PANX3: variants seen among roughly 807,000 people sequenced by gnomAD.
PANX3 encodes the protein pannexin 3.
PANX3 carries 18 observed loss-of-function variants against 31.5 expected under a neutral mutation model. The ratio of observed to expected loss-of-function variants is 0.57; its 90% CI spans 0.39 to 0.85. The LOEUF is 0.85. Among genes scored for constraint, PANX3 ranks in the 40% least tolerant of loss-of-function variants. The pLI, the probability that PANX3 is intolerant of heterozygous loss-of-function variation, is 0.00. For synonymous variants in PANX3, 194 were observed against 201.6 expected (o/e 0.96, Z 0.32); for missense variants, 426 against 485.4 (o/e 0.88, Z 1.15).
Position 124,619,430 on chromosome 11 carries a change from T to C in PANX3, c.674T>C (p.Leu225Pro). 6.2e-7 allele frequency: 1 copy of C among 1,614,206 alleles called. No individual in the cohort carries two copies. Among genetic ancestry groups the C allele is most frequent in the Non-Finnish European group, 8.5e-7 (1 of 1,180,040 alleles). ...LLLIFTSATY[L>P]YLGHFHLDVF... The stretch of plus-strand genomic sequence containing the variant: ...CTCATCTTCACCTCCGCCACTTACC[T>C]ATACCTTGGTCATTTCCATCTGGAT... The change falls in exon 4 of 4, where the codon CTA becomes CCA. Residue 225 changes from leucine to proline, a missense_variant. By Grantham distance (98) the Leu-to-Pro change is moderately conservative. Transcript: ENST00000284288.
chr11:124,617,226 G>T, intron 2 of PANX3, 48 bp from the exon 3 acceptor site: 1 of 1,437,296 alleles, frequency 7.0e-7, no homozygotes, highest in Non-Finnish European at 9.6e-7. Context: ...CTGTCACTCG[G>T]GGTCTCAGCA....
intron 2 of PANX3, 101 bp from the exon 3 acceptor site, chr11:124,617,173 T>C: frequency 1.0e-6 from 1 of 1,002,582 alleles, no homozygotes; most frequent in Non-Finnish European, 1.5e-6. Context: ...AGCCTTCCCC[T>C]GCTGAGGCAG....
rs1184510365 is a variant in PANX3, at chr11:124,617,407, GC to G, written c.459del (p.Ser154ProfsTer9). On this transcript the variant is annotated frameshift_variant, in exon 3 of 4. Coordinates refer to ENST00000284288, the MANE Select transcript of PANX3 (RefSeq NM_052959.3). LOFTEE classifies it high-confidence loss of function. ...AGCGAACTGGACAAATCTTATAATC[GC>G]TCCATCCGCCTCGTGCAGCACATGC... The part of the protein sequence containing the change: ...IISELDKSYN[R>X]SIRLVQHMLK... 1.9e-6 allele frequency: 3 copies of G among 1,613,972 alleles called. No homozygotes were observed. In the African/African-American group the frequency reaches 4.0e-5, roughly 22 times the overall value.
chr11:124,618,524 G>C (rs1042657747), intron 3 of PANX3, among the ~76,000 whole-genome samples: 4 of 152,180 alleles, frequency 2.6e-5, no homozygotes, highest in African/African-American at 4.8e-5. Flanking sequence ...TGGCTTACAT[G>C]TACCTGAACA....
intron 2 of PANX3, among the ~76,000 whole-genome samples, chr11:124,615,517 C>T (rs1437401492): frequency 6.6e-6 from 1 of 152,184 alleles, no homozygotes; most frequent in African/African-American, 2.4e-5. Context: ...GAATAAGCTC[C>T]AGAATCAGAC....
intron 1 of PANX3, 53 bp from the exon 2 acceptor site, chr11:124,612,926 TC>T: frequency 6.3e-7 from 1 of 1,597,328 alleles, no homozygotes. Context: ...TGCCCCTGAG[TC>T]CCCACTCCTC....
Position 124,611,428 on chromosome 11 carries a change from A to C in PANX3, c.-129A>C. On this transcript the variant is annotated 5_prime_UTR_variant, in exon 1 of 4. Transcript: ENST00000284288. ...TAGAGAACCATCGCCTGCTCCCAGC[A>C]GAGATATCCATAAGGCTGGGGTGGC... 37 of 780,810 alleles carry C rather than the reference A, an allele frequency of 4.7e-5. No individual in the cohort carries two copies. The highest frequency in any genetic ancestry group is 5.8e-5 in the Non-Finnish European group (29 of 503,680). 48.4% of individuals were successfully genotyped at this position (780,810 alleles called of 1,614,324 possible).
In PANX3 at chr11:124,619,575, C is replaced by A. The variant is rs760439001; in HGVS notation, c.819C>A (p.Ser273Arg). ...CACTGTCCATTTTCCAGATTGTTAG[C>A]CTCTCCAGTGTAGCAATATACACCA... ...LTSLSIFQIV[S>R]LSSVAIYTIL... Residue 273 changes from serine (S) to arginine (R), a missense_variant, in exon 4 of 4, where the codon AGC (serine) becomes AGA (arginine). Coordinates refer to ENST00000284288, the MANE Select transcript of PANX3 (RefSeq NM_052959.3). The A allele has an allele frequency of 2.5e-6, 4 of 1,614,126 alleles. No individual in the cohort carries two copies. Among genetic ancestry groups the A allele is most frequent in the Non-Finnish European group, 2.5e-6 (3 of 1,180,034 alleles).
Position 124,619,955 on chromosome 11 carries a change from G to A in PANX3, c.*20G>A, listed in dbSNP as rs1465727130. 5 of 1,566,698 alleles carry A rather than the reference G, an allele frequency of 3.2e-6. No individual in the cohort carries two copies. The highest frequency in any genetic ancestry group is 4.3e-6 in the Non-Finnish European group (5 of 1,159,738). On this transcript the variant is annotated 3_prime_UTR_variant, in exon 4 of 4. Transcript: ENST00000284288. ...CCATAGTTAAGAAACCATGGAGCAA[G>A]AAAGCTTGTGGAAAGTCTCTCTCCT...
chr11:124,619,767 C>T lies in PANX3; in HGVS notation c.1011C>T (p.Ile337=), dbSNP rs1489949352. 4 of 1,614,176 alleles carry T rather than the reference C, an allele frequency of 2.5e-6. No homozygotes were observed. The South Asian group carries it at 3.3e-5, about 13-fold the overall frequency. Residue 337 remains isoleucine, a synonymous_variant, in exon 4 of 4, where the codon ATC becomes ATT. Coordinates refer to ENST00000284288, the MANE Select transcript of PANX3 (RefSeq NM_052959.3). ...NVILLFLRAN[I]SELISFSWLS... The stretch of plus-strand genomic sequence containing the variant: ...TCCTTCTTTTCCTCCGAGCTAACAT[C>T]TCTGAGCTCATCTCTTTTAGCTGGC...
chr11:124,620,228 G>A lies in PANX3; in HGVS notation c.*293G>A, dbSNP rs893618563. The A allele has an allele frequency of 4.7e-5, 13 of 276,918 alleles. No individual in the cohort carries two copies. Among genetic ancestry groups the A allele is most frequent in the Admixed American group, 2.5e-4 (5 of 20,266 alleles). 17.2% of individuals were successfully genotyped at this position (276,918 alleles called of 1,614,324 possible). ...GAAATACAGTCTAGACATGCTGCAA[G>A]GAAAGAAGATTCTAAAGTCCGTTTA... On this transcript the variant is annotated 3_prime_UTR_variant, in exon 4 of 4. Coordinates refer to ENST00000284288, the MANE Select transcript of PANX3 (RefSeq NM_052959.3).
In PANX3 at chr11:124,611,463, C is replaced by A. The variant is rs1863088322; in HGVS notation, c.-94C>A. 3.2e-6 allele frequency: 4 copies of A among 1,237,082 alleles called. No homozygotes were observed. The highest frequency in any genetic ancestry group is 2.2e-6 in the Non-Finnish European group (2 of 897,152). The allele number at this position is 1,237,082 out of a possible 1,614,324, so 76.6% of individuals were successfully genotyped here. ...ATAAGGCTGGGGTGGCAGGCACTGT[C>A]TGCCCAAAGTCAGCTGCCTGAAGCT... On this transcript the variant is annotated 5_prime_UTR_variant, in exon 1 of 4. It adds an upstream start codon to the 5' untranslated region. Coordinates refer to ENST00000284288, the MANE Select transcript of PANX3 (RefSeq NM_052959.3).
chr11:124,614,587 C>G (rs1863131303), intron 2 of PANX3, among the ~76,000 whole-genome samples: 1 of 151,794 alleles, frequency 6.6e-6, no homozygotes, highest in Non-Finnish European at 1.5e-5. Flanking sequence ...CTTTTTAAAC[C>G]CAAATTCTCA....
rs989218262 is a variant in PANX3 at position 124,616,958 on chromosome 11, C to T, written c.325-316C>T. ...CTCCCTTCCCCTCTCCTTCCCACCT[C>T]TCCTCTCTCTCTCTCTCCTTATTCT... On this transcript the variant is annotated intron_variant, in intron 2 of 3. Transcript: ENST00000284288. The surrounding 1 kb of genome is among the most constrained non-coding windows in gnomAD (Gnocchi z 4.8). Among the ~76,000 whole-genome samples the T allele has an allele frequency of 2.0e-5, 3 of 151,012 alleles. No homozygotes were observed. Among genetic ancestry groups the T allele is most frequent in the African/African-American group, 7.3e-5 (3 of 40,826 alleles).
chr11:124,618,360 C>A (rs1017515641), intron 3 of PANX3, among the ~76,000 whole-genome samples: 3 of 152,196 alleles, frequency 2.0e-5, no homozygotes, highest in African/African-American at 7.2e-5. Context: ...ACATTGAAGG[C>A]CACACTGTTA....
chr11:124,617,464 A>T lies in PANX3; in HGVS notation c.515A>T (p.Tyr172Phe), dbSNP rs187147069. Residue 172 changes from tyrosine (Y) to phenylalanine (F), a missense_variant, in exon 3 of 4, where the codon TAT (tyrosine) becomes TTT (phenylalanine). Transcript: ENST00000284288. Reference protein sequence around the residue: ...LKIRQKSSDPYVFWNELEKAR... With the variant: ...LKIRQKSSDPFVFWNELEKAR... The stretch of plus-strand genomic sequence containing the variant: ...ATCCGGCAGAAGAGTTCCGACCCCT[A>T]TGTGTTCTGGAATGAGCTGGAGAAG... 1.9e-6 allele frequency: 3 copies of T among 1,614,032 alleles called. No individual in the cohort carries two copies. In the African/African-American group the frequency reaches 4.0e-5, roughly 22 times the overall value.
rs756928903 is a variant in PANX3 at position 124,617,453 on chromosome 11, T to A, written c.504T>A (p.Ser168Arg). The change falls in exon 3 of 4, where the codon AGT (serine) becomes AGA (arginine). Residue 168 changes from serine (S) to arginine (R), a missense_variant. Ser to Arg is a moderately radical substitution (Grantham distance 110). Coordinates refer to ENST00000284288, the MANE Select transcript of PANX3 (RefSeq NM_052959.3). ...VQHMLKIRQK[S>R]SDPYVFWNEL... ...ACATGCTGAAGATCCGGCAGAAGAG[T>A]TCCGACCCCTATGTGTTCTGGAATG... 1 of 1,614,182 alleles carries A rather than the reference T, an allele frequency of 6.2e-7. No individual in the cohort carries two copies. The highest frequency in any genetic ancestry group is 1.7e-5 in the Admixed American group (1 of 60,026).
At chr11:124,612,762 G>A (rs1863107427) in intron 1 of PANX3, among the ~76,000 whole-genome samples, 1 of 152,202 alleles carries the variant, frequency 6.6e-6, no homozygotes, top group Non-Finnish European at 1.5e-5. Context: ...GACCCAAAAG[G>A]CTGAGTCAGC....
In PANX3 at chr11:124,620,117, G is replaced by C; in HGVS notation, c.*182G>C. The C allele has an allele frequency of 1.5e-6, 1 of 688,148 alleles. No individual in the cohort carries two copies. Among genetic ancestry groups the C allele is most frequent in the Non-Finnish European group, 2.3e-6 (1 of 439,170 alleles). The allele number at this position is 688,148 out of a possible 1,614,324, so 42.6% of individuals were successfully genotyped here. ...AGTGAGAAGACATAACCAAGACATGGAAATAAATGTGAAAGCTGGAGCCGA... is the reference window on the plus strand; with the variant it reads ...AGTGAGAAGACATAACCAAGACATGCAAATAAATGTGAAAGCTGGAGCCGA... On this transcript the variant is annotated 3_prime_UTR_variant, in exon 4 of 4. Transcript: ENST00000284288.
Sources: allele counts gnomAD v4.1 joint callset (sites outside exome capture counted in the v4.1 genomes callset), GRCh38; gene constraint gnomAD v4.1.1; non-coding constraint Gnocchi (gnomAD v3.1); transcripts MANE v1.5; gene names NCBI Gene and HGNC (gene_info 2026-07-23, HGNC 2026-07-21).